ELP4: variants seen among roughly 807,000 people sequenced by gnomAD.
ELP4 encodes elongator acetyltransferase complex subunit 4.
Under a neutral mutation model 48.9 loss-of-function variants are expected in ELP4, and 51 were observed. The observed-to-expected ratio is 1.04, with a 90% CI of 0.83 to 1.32. The LOEUF is 1.32. Among genes scored for constraint, ELP4 ranks in the 40% most tolerant of loss-of-function variants. The probability of loss-of-function intolerance (pLI) is 0.00; values close to 1 mark genes in which losing one functional copy is unlikely to be tolerated. For missense variants in ELP4, 519 were observed against 514.6 expected, an observed-to-expected ratio of 1.01 and a Z score of -0.08; for synonymous variants, 210 against 189.2, an observed-to-expected ratio of 1.11 and a Z score of -0.90.
At chr11:31,635,520 T>C (rs1002404525) in intron 7 of ELP4, among the ~76,000 whole-genome samples, 29 of 151,856 alleles carry the variant, frequency 1.9e-4, no homozygotes, top group African/African-American at 7.0e-4. Flanking sequence ...AGTCAAAATT[T>C]AGAAACAAAC....
intron 9 of ELP4, among the ~76,000 whole-genome samples, chr11:31,747,358 C>T (rs879771571): frequency 6.6e-6 from 1 of 151,960 alleles, no homozygotes; most frequent in Non-Finnish European, 1.5e-5. Flanking sequence ...AGAATGATCC[C>T]CATCTTAGAG....
intron 1 of ELP4, among the ~76,000 whole-genome samples, chr11:31,517,577 A>G (rs1412452840): frequency 6.6e-6 from 1 of 152,186 alleles, no homozygotes; most frequent in Non-Finnish European, 1.5e-5. Context: ...TTTGTATACA[A>G]AAAACAAACA....
intron 9 of ELP4, among the ~76,000 whole-genome samples, chr11:31,702,922 A>G (rs6484530): frequency 0.63 from 96,546 of 152,056 alleles, 33,113 homozygotes; most frequent in Non-Finnish European, 0.76. Flanking sequence ...TTGGGAAAAT[A>G]AATATTATGT....
At chr11:31,698,636 C>T (rs548394070) in intron 9 of ELP4, among the ~76,000 whole-genome samples, 1 of 152,242 alleles carries the variant, frequency 6.6e-6, no homozygotes, top group East Asian at 1.9e-4. Flanking sequence ...TGGTCTTGAA[C>T]TCCTGGCCTC....
intron 3 of ELP4, among the ~76,000 whole-genome samples, chr11:31,593,027 A>G (rs1957610755): frequency 6.6e-6 from 1 of 152,188 alleles, no homozygotes; most frequent in Non-Finnish European, 1.5e-5. Flanking sequence ...GGGTTGAAAA[A>G]GATGTTAAAC....
chr11:31,647,722 T>C lies in ELP4; in HGVS notation c.928-19T>C. 1 of 1,442,306 alleles carries C rather than the reference T, an allele frequency of 6.9e-7. No homozygotes were observed. The highest frequency in any genetic ancestry group is 9.8e-7 in the Non-Finnish European group (1 of 1,024,734). The allele number at this position is 1,442,306 out of a possible 1,614,324, so 89.3% of individuals were successfully genotyped here. A position where few individuals can be genotyped will look rare whatever the true frequency, so the allele number is the denominator to read the frequency against. On this transcript the variant is annotated intron_variant, in intron 7 of 9. Transcript: ENST00000640961. ...TAACATAATATTTAACGTTACTGTT[T>C]TGTTTCCATGTTTTGCAGAATAAAG...
intron 9 of ELP4, among the ~76,000 whole-genome samples, chr11:31,765,294 G>T (rs1384141478): frequency 6.6e-6 from 1 of 152,124 alleles, no homozygotes; most frequent in Non-Finnish European, 1.5e-5. Context: ...ACACTTTGGT[G>T]CTGCATTGCT....
intron 5 of ELP4, among the ~76,000 whole-genome samples, chr11:31,610,312 TG>T (rs2134011594): frequency 7.1e-6 from 1 of 141,722 alleles, no homozygotes; most frequent in South Asian, 2.4e-4. Context: ...ACTATTATTC[TG>T]GGCCTCATTT....
intron 9 of ELP4, among the ~76,000 whole-genome samples, chr11:31,780,915 C>T (rs953551719): frequency 6.6e-6 from 1 of 152,226 alleles, no homozygotes; most frequent in African/African-American, 2.4e-5. Context: ...CTCCATTCTT[C>T]ATGTCAGAAT....
intron 6 of ELP4, among the ~76,000 whole-genome samples, chr11:31,629,559 C>G (rs1464153940): frequency 6.6e-6 from 1 of 151,930 alleles, no homozygotes; most frequent in South Asian, 2.1e-4. Context: ...GTGTATCTGT[C>G]AGAGTCATTA....
At chr11:31,623,354 A>AGT (rs1944661364) in intron 5 of ELP4, among the ~76,000 whole-genome samples, 1 of 9,244 alleles carries the variant, frequency 1.1e-4, no homozygotes, top group Non-Finnish European at 4.0e-4. Context: ...ATTTTCAGCA[A>AGT]ATATATATAT....
chr11:31,522,972 T>G (rs1404926715), intron 2 of ELP4, among the ~76,000 whole-genome samples: 1 of 151,900 alleles, frequency 6.6e-6, no homozygotes, highest in East Asian at 1.9e-4. Context: ...TAGTCCTCCC[T>G]TCTCAGTCTC....
intron 9 of ELP4, among the ~76,000 whole-genome samples, chr11:31,692,212 TG>T (rs1345294421): frequency 2.6e-5 from 4 of 152,170 alleles, no homozygotes; most frequent in African/African-American, 7.2e-5. Context: ...TTTGATACTA[TG>T]ATCCTGATAG....
At chr11:31,575,887 G>A (rs1185453796) in intron 3 of ELP4, among the ~76,000 whole-genome samples, 5 of 152,106 alleles carry the variant, frequency 3.3e-5, no homozygotes, top group East Asian at 3.9e-4. Flanking sequence ...ATTAACTAAC[G>A]AGCAAAATAA....
At chr11:31,601,085 A>G (rs188748408) in intron 4 of ELP4, among the ~76,000 whole-genome samples, 1 of 152,260 alleles carries the variant, frequency 6.6e-6, no homozygotes, top group Admixed American at 6.5e-5. Flanking sequence ...CTAGTTATTG[A>G]TAATAGTTTG....
rs71060492 is a variant in ELP4, at chr11:31,533,368, C to CTTTTTTTTTTTTTTTTTTTTTTTTTTT, written c.260-6293_260-6267dup. Among the ~76,000 whole-genome samples the CTTTTTTTTTTTTTTTTTTTTTTTTTTT allele has an allele frequency of 1.8e-4, 9 of 50,476 alleles. 2 individuals are homozygous for CTTTTTTTTTTTTTTTTTTTTTTTTTTT. The highest frequency in any genetic ancestry group is 3.4e-4 in the Admixed American group (1 of 2,976). 33.1% of individuals were successfully genotyped at this position (50,476 alleles called of 152,430 possible). A position where few individuals can be genotyped will look rare whatever the true frequency, so the allele number is the denominator to read the frequency against. On this transcript the variant is annotated intron_variant, in intron 2 of 9. Transcript: ENST00000640961. The stretch of plus-strand genomic sequence containing the variant: ...GTGTTGCTGCAAAAGCCATCTCATT[C>CTTTTTTTTTTTTTTTTTTTTTTTTTTT]TTTTTTTTTTTTTTTTTTTTTTTTT...
intron 9 of ELP4, among the ~76,000 whole-genome samples, chr11:31,745,164 C>G (rs558507154): frequency 3.3e-5 from 5 of 152,228 alleles, no homozygotes; most frequent in African/African-American, 1.2e-4. Flanking sequence ...AATAAAATAC[C>G]TAGGAATCCA....
chr11:31,540,685 T>TA (rs1956577364), intron 3 of ELP4, among the ~76,000 whole-genome samples: 1 of 152,200 alleles, frequency 6.6e-6, no homozygotes, highest in Non-Finnish European at 1.5e-5. Flanking sequence ...TTCATACATA[T>TA]AAAAATTATT....
intron 3 of ELP4, among the ~76,000 whole-genome samples, chr11:31,588,842 G>T (rs1248698401): frequency 6.6e-6 from 1 of 152,122 alleles, no homozygotes. Flanking sequence ...AATTAGCTGG[G>T]CGTGGTGGCG....
Sources: gnomAD v4.1 joint callset for allele counts (sites outside exome capture counted in the v4.1 genomes callset) on GRCh38, gnomAD v4.1.1 for gene constraint, MANE v1.5 for transcripts, NCBI Gene and HGNC (gene_info 2026-07-23, HGNC 2026-07-21) for gene names.